The following PRTFDC1 variants were observed in gnomAD, a reference collection of about 807,000 sequenced individuals.
PRTFDC1 encodes the protein phosphoribosyltransferase domain-containing protein 1.
Under a neutral mutation model 34.6 loss-of-function variants are expected in PRTFDC1, and 38 were observed. The observed-to-expected ratio is 1.10, with a 90% confidence interval of 0.85 to 1.44. PRTFDC1 has a LOEUF of 1.44. PRTFDC1 is among the 40% of genes most tolerant of loss of function. The pLI is 0.00. For synonymous variants in PRTFDC1, 93 were observed against 98.1 expected (o/e 0.95, Z 0.31); for missense variants, 270 against 283.0 (o/e 0.95, Z 0.33).
At chr10:24,882,816 G>T (rs557302270) in intron 3 of PRTFDC1, among the ~76,000 whole-genome samples, 1 of 150,456 alleles carries the variant, frequency 6.6e-6, no homozygotes, top group African/African-American at 2.4e-5. Flanking sequence ...TCCTCAAAAT[G>T]TTAAAAAAAC....
At chr10:24,919,180 A>C (rs1000236050) in intron 3 of PRTFDC1, among the ~76,000 whole-genome samples, 2 of 152,224 alleles carry the variant, frequency 1.3e-5, no homozygotes, top group Non-Finnish European at 2.9e-5. Flanking sequence ...GGTACTAATA[A>C]ACTAGAAAGA....
chr10:24,916,049 T>G (rs1438787403), intron 3 of PRTFDC1, among the ~76,000 whole-genome samples: 5 of 152,180 alleles, frequency 3.3e-5, no homozygotes, highest in African/African-American at 1.2e-4. Context: ...GCTCCTCTTT[T>G]CACAATCTTC....
intron 3 of PRTFDC1, among the ~76,000 whole-genome samples, chr10:24,921,711 T>C (rs1333175225): frequency 1.1e-5 from 1 of 87,476 alleles, no homozygotes; most frequent in Non-Finnish European, 2.3e-5. Flanking sequence ...TTCTGTTCTC[T>C]AGGAAAAAAA....
At chr10:24,863,122 G>T (rs560554467) in intron 4 of PRTFDC1, among the ~76,000 whole-genome samples, 1 of 152,114 alleles carries the variant, frequency 6.6e-6, no homozygotes, top group South Asian at 2.1e-4. Context: ...CAGGTGATCC[G>T]CTGGCTTGGC....
chr10:24,905,361 C>T (rs1439078425), intron 3 of PRTFDC1, among the ~76,000 whole-genome samples: 8 of 145,084 alleles, frequency 5.5e-5, no homozygotes, highest in Non-Finnish European at 1.2e-4. Flanking sequence ...CTCACTCTGT[C>T]GCCAGGATGG....
At chr10:24,910,952 A>G (rs1848617864) in intron 3 of PRTFDC1, among the ~76,000 whole-genome samples, 1 of 150,644 alleles carries the variant, frequency 6.6e-6, no homozygotes, top group South Asian at 2.1e-4. Context: ...CCACCTTAGC[A>G]TCCCCAGCAG....
chr10:24,868,598 C>T (rs1847825278), intron 4 of PRTFDC1, among the ~76,000 whole-genome samples: 1 of 152,066 alleles, frequency 6.6e-6, no homozygotes, highest in South Asian at 2.1e-4. Flanking sequence ...TGTGCACCAC[C>T]ATTTTAAATT....
chr10:24,917,010 G>C (rs1234467748), intron 3 of PRTFDC1, among the ~76,000 whole-genome samples: 2 of 152,034 alleles, frequency 1.3e-5, no homozygotes, highest in Non-Finnish European at 2.9e-5. Flanking sequence ...TGGTGTATTC[G>C]AGGATCCAGG....
At chr10:24,887,793 A>C (rs1358637896) in intron 3 of PRTFDC1, among the ~76,000 whole-genome samples, 9 of 152,140 alleles carry the variant, frequency 5.9e-5, no homozygotes, top group African/African-American at 1.9e-4. Flanking sequence ...GTAGGCCAGA[A>C]GTGATCTCTC....
chr10:24,893,460 T>TTTTTG (rs1241747810), intron 3 of PRTFDC1, among the ~76,000 whole-genome samples: 6 of 151,826 alleles, frequency 4.0e-5, no homozygotes, highest in African/African-American at 7.3e-5. Context: ...AGTTAGTGTT[T>TTTTTG]TTTTGTTTTG....
At position 24,952,528 on chromosome 10, in the gene PRTFDC1, C is replaced by T; in HGVS notation, c.48G>A (p.Val16=). The T allele has an allele frequency of 1.3e-6, 2 of 1,586,228 alleles. No individual in the cohort carries two copies. The highest frequency in any genetic ancestry group is 1.7e-6 in the Non-Finnish European group (2 of 1,165,842). ...EEAPDYGRGV[V]IMDDWPGYDL... Reference sequence around the variant, plus strand: ...CCCAAAATAGGGAGTTTGCATTTACCACGACGCCTCGCCCGTAGTCTGGCG... The same window carrying T: ...CCCAAAATAGGGAGTTTGCATTTACTACGACGCCTCGCCCGTAGTCTGGCG... The change falls in exon 1 of 9, where the codon GTG becomes GTA. Residue 16 remains valine, a splice_region_variant and synonymous_variant. Transcript: ENST00000320152. The surrounding 1 kb of genome is among the most constrained non-coding windows in gnomAD (Gnocchi z 5.1).
At chr10:24,928,873 T>C (rs1848922700) in intron 3 of PRTFDC1, among the ~76,000 whole-genome samples, 1 of 151,176 alleles carries the variant, frequency 6.6e-6, no homozygotes, top group African/African-American at 2.4e-5. Context: ...CTGTCTCTAC[T>C]AAAAAACTAC....
At chr10:24,944,479 G>A (rs1222092128) in intron 1 of PRTFDC1, among the ~76,000 whole-genome samples, 3 of 152,110 alleles carry the variant, frequency 2.0e-5, no homozygotes, top group Admixed American at 1.3e-4. Flanking sequence ...AAGCGGGCAT[G>A]CTCCTTTAAA....
At chr10:24,950,531 T>C (rs1849323534) in intron 1 of PRTFDC1, among the ~76,000 whole-genome samples, 1 of 152,126 alleles carries the variant, frequency 6.6e-6, no homozygotes, top group Non-Finnish European at 1.5e-5. Context: ...TTTAAAAGAT[T>C]CTCCCTACTA....
chr10:24,849,981 G>T, intron 8 of PRTFDC1, 90 bp from the exon 9 acceptor site: 1 of 1,164,200 alleles, frequency 8.6e-7, no homozygotes, highest in Non-Finnish European at 1.3e-6. Flanking sequence ...ATGCCATCCT[G>T]TAATTGGCTA....
intron 3 of PRTFDC1, among the ~76,000 whole-genome samples, chr10:24,933,446 A>G (rs1848998622): frequency 6.6e-6 from 1 of 152,204 alleles, no homozygotes; most frequent in Admixed American, 6.5e-5. Flanking sequence ...TTGAACAAAC[A>G]CTTCATCAAA....
At chr10:24,925,646 T>A (rs1848860199) in intron 3 of PRTFDC1, among the ~76,000 whole-genome samples, 1 of 152,098 alleles carries the variant, frequency 6.6e-6, no homozygotes, top group African/African-American at 2.4e-5. Flanking sequence ...GCAGACAACG[T>A]GAAATACAAC....
Position 24,911,906 on chromosome 10 carries a change from C to T in PRTFDC1, c.339+25278G>A, listed in dbSNP as rs573029826. ...AAACAAACAAACAAAAACCTGTTTTCATTTCATTTGGATAAATACATAGGA... is the reference window on the plus strand; with the variant it reads ...AAACAAACAAACAAAAACCTGTTTTTATTTCATTTGGATAAATACATAGGA... On this transcript the variant is annotated intron_variant, in intron 3 of 8. Transcript: ENST00000320152. Among the ~76,000 whole-genome samples the T allele has an allele frequency of 8.6e-5, 13 of 151,804 alleles. No individual in the cohort carries two copies. In the East Asian group the frequency reaches 2.5e-3, roughly 29 times the overall value.
intron 3 of PRTFDC1, among the ~76,000 whole-genome samples, chr10:24,897,456 T>C (rs1848386148): frequency 6.6e-6 from 1 of 152,214 alleles, no homozygotes; most frequent in South Asian, 2.1e-4. Flanking sequence ...AAGGTTGTGG[T>C]ATTTAGGATA....
Sources: allele counts gnomAD v4.1 joint callset (sites outside exome capture counted in the v4.1 genomes callset), GRCh38; gene constraint gnomAD v4.1.1; non-coding constraint Gnocchi (gnomAD v3.1); transcripts MANE v1.5; gene names NCBI Gene and HGNC (gene_info 2026-07-23, HGNC 2026-07-21).